GALNT15: variants seen among roughly 807,000 people sequenced by gnomAD.
GALNT15 encodes UDP-GalNAc transferase T15.
In GALNT15, 67 loss-of-function variants were observed where a neutral mutation model predicts 66.8. The ratio of observed to expected loss-of-function variants is 1.00; its 90% CI spans 0.82 to 1.23. The LOEUF (loss-of-function observed/expected upper bound fraction) is 1.23. Among genes scored for constraint, GALNT15 ranks in the 50% most tolerant of loss-of-function variants. The probability of loss-of-function intolerance (pLI) is 0.00; values close to 1 mark genes in which losing one functional copy is unlikely to be tolerated. For missense variants in GALNT15, 827 were observed against 804.3 expected (o/e 1.03, Z -0.34); for synonymous variants, 313 against 311.5 (o/e 1.00, Z -0.05).
the GALNT15 span, among the ~76,000 whole-genome samples, chr3:16,242,435 A>G: frequency 6.6e-6 from 1 of 152,090 alleles, no homozygotes; most frequent in Admixed American, 6.6e-5. The surrounding 1 kb of genome is among the most constrained non-coding windows in gnomAD (Gnocchi z 5.6). Context: ...CTGGAGGTGG[A>G]AACAATTTTG....
In GALNT15 at chr3:16,198,286, C is replaced by T. The variant is rs566034885; in HGVS notation, c.707-2333C>T. ...CTGCTCTACCTCTGGACATCACATA[C>T]ATATTTCAAATAGGGAAAAGGCGAA... is the stretch of plus-strand genomic sequence containing the variant. On this transcript the variant is annotated intron_variant, in intron 2 of 9. Coordinates refer to ENST00000339732, the MANE Select transcript of GALNT15 (RefSeq NM_054110.5). Among the ~76,000 whole-genome samples, 29 of 141,542 alleles carry T rather than the reference C, an allele frequency of 2.0e-4. 4 individuals carry two copies. Among genetic ancestry groups the T allele is most frequent in the Non-Finnish European group, 3.7e-4 (24 of 64,142 alleles). 92.9% of individuals were successfully genotyped at this position (141,542 alleles called of 152,430 possible). A position where few individuals can be genotyped will look rare whatever the true frequency, so the allele number is the denominator to read the frequency against.
chr3:16,211,251 G>C lies in GALNT15; in HGVS notation c.1197+10G>C. 1 of 1,551,224 alleles carries C rather than the reference G, an allele frequency of 6.4e-7. No homozygotes were observed. Among genetic ancestry groups the C allele is most frequent in the Non-Finnish European group, 8.9e-7 (1 of 1,122,490 alleles). On this transcript the variant is annotated intron_variant, in intron 5 of 9. Coordinates refer to ENST00000339732, the MANE Select transcript of GALNT15 (RefSeq NM_054110.5). This position sits in a 1 kb window ranked among gnomAD's most constrained non-coding sequence, Gnocchi z 4.3. ...CGAACTGTCTTTCAAGGTATGTCCTGGACCAAGGGAGGACAGAGGTGGGAT... is the reference window on the plus strand; with the variant it reads ...CGAACTGTCTTTCAAGGTATGTCCTCGACCAAGGGAGGACAGAGGTGGGAT...
Position 16,193,599 on chromosome 3 carries a change from G to T in GALNT15, c.540-2161G>T, listed in dbSNP as rs2063602884. On this transcript the variant is annotated intron_variant, in intron 1 of 9. Coordinates refer to ENST00000339732, the MANE Select transcript of GALNT15 (RefSeq NM_054110.5). The surrounding 1 kb of genome is among the most constrained non-coding windows in gnomAD (Gnocchi z 4.7). ...GATTTTGCCCTGAGAGTCACACACA[G>T]GTTTCCTGTGCATTGAGAGTTTTCT... 6.6e-6 allele frequency among the ~76,000 whole-genome samples: 1 copy of T among 152,158 alleles called. No individual in the cohort carries two copies. The highest frequency in any genetic ancestry group is 1.5e-5 in the Non-Finnish European group (1 of 68,044).
In GALNT15 at chr3:16,178,362, C is replaced by T. The variant is rs115867633; in HGVS notation, c.539+2672C>T. On this transcript the variant is annotated intron_variant, in intron 1 of 9. Coordinates refer to ENST00000339732, the MANE Select transcript of GALNT15 (RefSeq NM_054110.5). ...GAGTAACCAACTCGTCTTGACTTGC[C>T]TGAGACTTCCCAGATTTTAGCACTG... Among the ~76,000 whole-genome samples, 1,075 of 152,286 alleles carry T rather than the reference C, an allele frequency of 7.1e-3. 17 individuals are homozygous for T. The highest frequency in any genetic ancestry group is 0.024 in the African/African-American group (994 of 41,534).
At chr3:16,213,395 A>AG (rs2063838915) in intron 6 of GALNT15, among the ~76,000 whole-genome samples, 1 of 123,986 alleles carries the variant, frequency 8.1e-6, no homozygotes, top group African/African-American at 3.1e-5. Context: ...GTGGAGTTTG[A>AG]GGTGAGCTGA....
In GALNT15 at chr3:16,227,554, T is replaced by G; in HGVS notation, c.*54T>G. The G allele has an allele frequency of 6.2e-7, 1 of 1,613,754 alleles. No homozygotes were observed. Among genetic ancestry groups the G allele is most frequent in the Non-Finnish European group, 8.5e-7 (1 of 1,179,838 alleles). Reference sequence around the variant, plus strand: ...TTGGCCATCAAAATCCAGCTCCAAGTGAACTTAAAGAGCTTATATATTTCA... The same window carrying G: ...TTGGCCATCAAAATCCAGCTCCAAGGGAACTTAAAGAGCTTATATATTTCA... On this transcript the variant is annotated 3_prime_UTR_variant, in exon 10 of 10. Coordinates refer to ENST00000339732, the MANE Select transcript of GALNT15 (RefSeq NM_054110.5). The surrounding 1 kb of genome is among the most constrained non-coding windows in gnomAD (Gnocchi z 4.5).
At position 16,229,736 on chromosome 3, in the gene GALNT15, A is replaced by G; in HGVS notation, c.*2236A>G. 1.0e-6 allele frequency: 1 copy of G among 980,456 alleles called. No individual in the cohort carries two copies. The highest frequency in any genetic ancestry group is 1.2e-6 in the Non-Finnish European group (1 of 825,392). 60.7% of individuals were successfully genotyped at this position (980,456 alleles called of 1,614,324 possible). On this transcript the variant is annotated 3_prime_UTR_variant, in exon 10 of 10. Coordinates refer to ENST00000339732, the MANE Select transcript of GALNT15 (RefSeq NM_054110.5). ...TTAATATAATTAAATAAAAGACTGA[A>G]TTTAATTGCATAAATTGTATTAGGT...
chr3:16,214,096 CA>C (rs2063847713), intron 6 of GALNT15, among the ~76,000 whole-genome samples: 1 of 152,238 alleles, frequency 6.6e-6, no homozygotes, highest in Non-Finnish European at 1.5e-5. Context: ...AACAGAGTGG[CA>C]CTGGCTCCTT....
chr3:16,221,854 AG>A (rs2063945511), intron 8 of GALNT15, among the ~76,000 whole-genome samples: 1 of 152,216 alleles, frequency 6.6e-6, no homozygotes. Flanking sequence ...ATCTAATTGC[AG>A]GGCCCAGTGC....
At chr3:16,232,460 A>G (rs1272576617), downstream of GALNT15, among the ~76,000 whole-genome samples, 2 of 36,748 alleles carry the variant, frequency 5.4e-5, no homozygotes, top group African/African-American at 9.6e-5. Context: ...CAAAATAAAT[A>G]AATAAATAAA....
chr3:16,213,699 A>G (rs968947780), intron 6 of GALNT15, among the ~76,000 whole-genome samples: 1 of 152,162 alleles, frequency 6.6e-6, no homozygotes, highest in African/African-American at 2.4e-5. Flanking sequence ...AGCTCCCACA[A>G]GCCCCTTAGC....
At position 16,174,794 on chromosome 3, in the gene GALNT15, A is replaced by AG. The variant is rs369772778; in HGVS notation, c.-353dup. ...ACCTCATAGCAACCTATTTATACAA[A>AG]GGGGGAAAGAAACACCTGAGCAGAA... On this transcript the variant is annotated 5_prime_UTR_variant, in exon 1 of 10. Coordinates refer to ENST00000339732, the MANE Select transcript of GALNT15 (RefSeq NM_054110.5). This position sits in a 1 kb window ranked among gnomAD's most constrained non-coding sequence, Gnocchi z 4.7. 2.3e-5 allele frequency: 6 copies of AG among 257,014 alleles called. No homozygotes were observed. In the East Asian group the frequency reaches 5.1e-4, roughly 22 times the overall value. The allele number at this position is 257,014 out of a possible 1,614,324, so 15.9% of individuals were successfully genotyped here.
chr3:16,193,819 T>C lies in GALNT15; in HGVS notation c.540-1941T>C, dbSNP rs1337726814. On this transcript the variant is annotated intron_variant, in intron 1 of 9. Coordinates refer to ENST00000339732, the MANE Select transcript of GALNT15 (RefSeq NM_054110.5). This position sits in a 1 kb window ranked among gnomAD's most constrained non-coding sequence, Gnocchi z 4.7. Reference sequence around the variant, plus strand: ...TCAAATGTCCCTCTGAGGAGGAACATAGTTTGAGCAGCAGCTGCAACTCAG... The same window carrying C: ...TCAAATGTCCCTCTGAGGAGGAACACAGTTTGAGCAGCAGCTGCAACTCAG... Among the ~76,000 whole-genome samples, 3 of 152,190 alleles carry C rather than the reference T, an allele frequency of 2.0e-5. No individual in the cohort carries two copies. Among genetic ancestry groups the C allele is most frequent in the Non-Finnish European group, 4.4e-5 (3 of 68,028 alleles).
At position 16,181,790 on chromosome 3, in the gene GALNT15, A is replaced by G. The variant is rs143244609; in HGVS notation, c.539+6100A>G. ...ATTCCCCCCACAAGAGAGGGAAGACAACCCAGTATGGGCAGTGTGAGTGGT... is the reference window on the plus strand; with the variant it reads ...ATTCCCCCCACAAGAGAGGGAAGACGACCCAGTATGGGCAGTGTGAGTGGT... On this transcript the variant is annotated intron_variant, in intron 1 of 9. Coordinates refer to ENST00000339732, the MANE Select transcript of GALNT15 (RefSeq NM_054110.5). The surrounding 1 kb of genome is among the most constrained non-coding windows in gnomAD (Gnocchi z 5.9). Among the ~76,000 whole-genome samples the G allele has an allele frequency of 7.4e-4, 112 of 152,286 alleles. No homozygotes were observed. In the Middle Eastern group the frequency reaches 0.01, roughly 14 times the overall value.
chr3:16,206,420 TC>T (rs1180007860), intron 3 of GALNT15, among the ~76,000 whole-genome samples: 1 of 148,448 alleles, frequency 6.7e-6, no homozygotes, highest in East Asian at 2.0e-4. Flanking sequence ...ACGCCTGTAA[TC>T]CCCAGCACTT....
intron 3 of GALNT15, among the ~76,000 whole-genome samples, chr3:16,202,848 A>G (rs1200638014): frequency 1.3e-5 from 2 of 152,260 alleles, no homozygotes; most frequent in East Asian, 1.9e-4. Context: ...TGATTTCGCT[A>G]TCGAGAACCC....
chr3:16,199,742 A>C (rs989234311), intron 2 of GALNT15, among the ~76,000 whole-genome samples: 1 of 151,990 alleles, frequency 6.6e-6, no homozygotes, highest in Non-Finnish European at 1.5e-5. Flanking sequence ...CTTGCTTTTT[A>C]CCCTGCAATG....
At chr3:16,243,697 G>A in the GALNT15 span, among the ~76,000 whole-genome samples, 8 of 152,338 alleles carry the variant, frequency 5.3e-5, no homozygotes, top group African/African-American at 1.7e-4. Context: ...TCTTGCTAGG[G>A]AGCTGTCAGA....
chr3:16,211,067 T>G lies in GALNT15; in HGVS notation c.1080-57T>G, dbSNP rs1419014449. 7.6e-7 allele frequency: 1 copy of G among 1,317,684 alleles called. No homozygotes were observed. Among genetic ancestry groups the G allele is most frequent in the Non-Finnish European group, 1.1e-6 (1 of 913,374 alleles). 81.6% of individuals were successfully genotyped at this position (1,317,684 alleles called of 1,614,324 possible). ...ACCTGGGAAGCCCCAGCCCCCAGCC[T>G]CGCCTGCTGTGCTCTGGGTTCTGAA... is the stretch of plus-strand genomic sequence containing the variant. On this transcript the variant is annotated intron_variant, in intron 4 of 9. Coordinates refer to ENST00000339732, the MANE Select transcript of GALNT15 (RefSeq NM_054110.5). The surrounding 1 kb of genome is among the most constrained non-coding windows in gnomAD (Gnocchi z 4.3).
Sources: gnomAD v4.1 joint callset for allele counts (sites outside exome capture counted in the v4.1 genomes callset) on GRCh38, gnomAD v4.1.1 for gene constraint, Gnocchi (gnomAD v3.1) non-coding constraint, MANE v1.5 for transcripts, NCBI Gene and HGNC (gene_info 2026-07-23, HGNC 2026-07-21) for gene names.